Variants in S100Z observed in about 807,000 individuals in gnomAD.
S100Z encodes the protein S100 calcium binding protein Z.
S100Z carries 11 observed loss-of-function variants against 8.5 expected under a neutral mutation model. The observed-to-expected ratio is 1.30, with a 90% confidence interval of 0.82 to 2.15. The LOEUF (loss-of-function observed/expected upper bound fraction) is 2.15, where lower values mean the gene tolerates loss of function less well. Ranked by LOEUF, S100Z falls within the 30% of genes most tolerant of loss-of-function variation. S100Z has a pLI of 0.00. For missense variants in S100Z, 126 were observed against 117.9 expected (o/e 1.07, Z -0.32); for synonymous variants, 34 against 43.8 (o/e 0.78, Z 0.89).
intron 1 of S100Z, among the ~76,000 whole-genome samples, chr5:76,863,633 G>A (rs896134047): frequency 6.6e-6 from 1 of 152,020 alleles, no homozygotes; most frequent in South Asian, 2.1e-4. Flanking sequence ...CCGCCTCCCG[G>A]GTTCACGCCA....
At chr5:76,911,435 G>T (rs547152955) in intron 4 of S100Z, among the ~76,000 whole-genome samples, 8 of 152,302 alleles carry the variant, frequency 5.3e-5, no homozygotes, top group African/African-American at 1.9e-4. Context: ...CCTCAAGGAT[G>T]CCTTCTTCTG....
intron 4 of S100Z, among the ~76,000 whole-genome samples, chr5:76,887,728 G>A (rs1162821595): frequency 6.6e-6 from 1 of 152,134 alleles, no homozygotes; most frequent in African/African-American, 2.4e-5. Flanking sequence ...GCAGGTAGAA[G>A]TTGCTCAATA....
At chr5:76,856,480 A>T (rs1750884991) in intron 1 of S100Z, among the ~76,000 whole-genome samples, 1 of 152,220 alleles carries the variant, frequency 6.6e-6, no homozygotes, top group Non-Finnish European at 1.5e-5. Context: ...GATTAAAGGC[A>T]TGAGCCACCA....
intron 4 of S100Z, among the ~76,000 whole-genome samples, chr5:76,908,366 T>C (rs1744528852): frequency 6.6e-6 from 1 of 152,188 alleles, no homozygotes; most frequent in South Asian, 2.1e-4. Flanking sequence ...CTATCCTATC[T>C]ACCCTGACCC....
At chr5:76,941,633 C>G in the S100Z span, among the ~76,000 whole-genome samples, 63 of 152,304 alleles carry the variant, frequency 4.1e-4, no homozygotes, top group African/African-American at 1.5e-3. Context: ...CAATGTGATT[C>G]ATCACTGTTG....
At chr5:76,854,972 C>A (rs1344283788) in intron 1 of S100Z, among the ~76,000 whole-genome samples, 2 of 152,236 alleles carry the variant, frequency 1.3e-5, no homozygotes, top group East Asian at 3.8e-4. Flanking sequence ...CCAGTTCCAG[C>A]CATGGCTCAA....
At chr5:76,949,701 C>T in the S100Z span, among the ~76,000 whole-genome samples, 1 of 152,274 alleles carries the variant, frequency 6.6e-6, no homozygotes, top group South Asian at 2.1e-4. Context: ...TGAAAGATGC[C>T]AGCCACAAAA....
intron 1 of S100Z, among the ~76,000 whole-genome samples, chr5:76,860,312 T>C (rs1018707702): frequency 9.9e-5 from 15 of 152,086 alleles, no homozygotes; most frequent in African/African-American, 3.6e-4. Context: ...TTTCACCTCA[T>C]CTGTGGCAGA....
chr5:76,893,528 A>G (rs1364561842), intron 4 of S100Z, among the ~76,000 whole-genome samples: 1 of 151,558 alleles, frequency 6.6e-6, no homozygotes, highest in Non-Finnish European at 1.5e-5. Context: ...GGGTGACAGA[A>G]CAAGATCTTA....
chr5:76,930,135 CAAAG>C, the S100Z span, among the ~76,000 whole-genome samples: 6 of 152,286 alleles, frequency 3.9e-5, no homozygotes, highest in South Asian at 1.0e-3. Flanking sequence ...ATCTTTAAAA[CAAAG>C]AAATCTGAAA....
At chr5:76,898,775 CT>C (rs1744127092) in intron 4 of S100Z, among the ~76,000 whole-genome samples, 1 of 151,726 alleles carries the variant, frequency 6.6e-6, no homozygotes, top group Non-Finnish European at 1.5e-5. Context: ...TTTGATGTGT[CT>C]TTGGTTTTGG....
intron 1 of S100Z, among the ~76,000 whole-genome samples, chr5:76,862,554 T>C (rs1283179422): frequency 6.6e-6 from 1 of 152,096 alleles, no homozygotes; most frequent in Non-Finnish European, 1.5e-5. Context: ...ATCCCAGCAC[T>C]TTGGGAGGCC....
the S100Z span, among the ~76,000 whole-genome samples, chr5:76,933,369 C>T: frequency 7.2e-5 from 11 of 152,150 alleles, no homozygotes; most frequent in Middle Eastern, 3.2e-3. Flanking sequence ...ACGGCCTCTT[C>T]GAGAGGATTT....
At chr5:76,917,838 T>C (rs1037402959) in intron 4 of S100Z, among the ~76,000 whole-genome samples, 1 of 110,850 alleles carries the variant, frequency 9.0e-6, no homozygotes, top group Non-Finnish European at 1.9e-5. Context: ...AAAAAAAAAA[T>C]CAGAAATTGA....
intron 4 of S100Z, among the ~76,000 whole-genome samples, chr5:76,895,905 G>A (rs1371195453): frequency 2.0e-5 from 3 of 151,284 alleles, no homozygotes; most frequent in Non-Finnish European, 4.4e-5. Context: ...TGGGATTACA[G>A]GCACCCACCA....
the S100Z span, among the ~76,000 whole-genome samples, chr5:76,931,140 G>A: frequency 1.3e-5 from 2 of 150,606 alleles, no homozygotes; most frequent in South Asian, 2.1e-4. Flanking sequence ...GGTCTCACTC[G>A]GTCGTCGAGG....
chr5:76,917,500 C>A (rs1279698298), intron 4 of S100Z, among the ~76,000 whole-genome samples: 1 of 152,138 alleles, frequency 6.6e-6, no homozygotes, highest in South Asian at 2.1e-4. Flanking sequence ...AGCCATTCAG[C>A]TATATGGTTT....
Position 76,909,604 on chromosome 5 carries a change from C to T in S100Z, c.*3-11113C>T, listed in dbSNP as rs540191252. Among the ~76,000 whole-genome samples the T allele has an allele frequency of 2.5e-4, 38 of 152,290 alleles. 1 individual carries two copies. The South Asian group carries it at 7.3e-3, about 29-fold the overall frequency. The stretch of plus-strand genomic sequence containing the variant: ...CCCCTTCCTATTAATGATAAGCCTC[C>T]TCTAATCTCCCCCGCCCAGAAGGAA... On this transcript the variant is annotated intron_variant, in intron 4 of 4. Transcript: ENST00000317593.
the S100Z span, among the ~76,000 whole-genome samples, chr5:76,939,908 C>T: frequency 1.3e-5 from 2 of 152,080 alleles, no homozygotes; most frequent in East Asian, 1.9e-4. Flanking sequence ...GCCTGTAATG[C>T]CAGCACTTTG....
Sources: gnomAD v4.1 joint callset for allele counts (sites outside exome capture counted in the v4.1 genomes callset) on GRCh38, gnomAD v4.1.1 for gene constraint, MANE v1.5 for transcripts, NCBI Gene and HGNC (gene_info 2026-07-23, HGNC 2026-07-21) for gene names.